DTNB: variants seen among roughly 807,000 people sequenced by gnomAD.
DTNB encodes dystrobrevin beta.
Under a neutral mutation model 90.7 loss-of-function variants are expected in DTNB, and 63 were observed. That is an observed-to-expected ratio of 0.69 (90% CI 0.57 to 0.86). The LOEUF is 0.86. DTNB is among the 40% of genes least tolerant of loss of function. The probability of loss-of-function intolerance (pLI) is 0.00; values close to 1 mark genes in which losing one functional copy is unlikely to be tolerated. For missense variants in DTNB, 744 were observed against 807.1 expected, an observed-to-expected ratio of 0.92 and a Z score of 0.95; for synonymous variants, 277 against 286.7, an observed-to-expected ratio of 0.97 and a Z score of 0.34.
At chr2:25,390,528 C>T (rs2040809876) in intron 16 of DTNB, among the ~76,000 whole-genome samples, 1 of 151,784 alleles carries the variant, frequency 6.6e-6, no homozygotes, top group Non-Finnish European at 1.5e-5. Flanking sequence ...AGTGCAACCT[C>T]CGTCCCCTGG....
At chr2:25,561,807 C>G (rs1479840729) in intron 8 of DTNB, among the ~76,000 whole-genome samples, 1 of 152,218 alleles carries the variant, frequency 6.6e-6, no homozygotes, top group Non-Finnish European at 1.5e-5. Context: ...TGGTGCCATG[C>G]TTGCACAGCC....
chr2:25,609,433 T>C (rs2067922939), intron 4 of DTNB, among the ~76,000 whole-genome samples: 1 of 151,968 alleles, frequency 6.6e-6, no homozygotes, highest in African/African-American at 2.4e-5. Flanking sequence ...ACTCCGTCTC[T>C]ACTAAAAATA....
chr2:25,416,634 C>T (rs1015924959), intron 16 of DTNB, among the ~76,000 whole-genome samples: 1 of 152,130 alleles, frequency 6.6e-6, no homozygotes, highest in African/African-American at 2.4e-5. Context: ...CCACTGTACT[C>T]CAGCCTGGGT....
intron 16 of DTNB, among the ~76,000 whole-genome samples, chr2:25,389,470 G>A (rs1027094403): frequency 1.3e-5 from 2 of 152,218 alleles, no homozygotes; most frequent in Admixed American, 6.5e-5. Context: ...TTCCTTGGGA[G>A]GCCCTGGTAT....
intron 12 of DTNB, among the ~76,000 whole-genome samples, chr2:25,438,849 C>T (rs559243951): frequency 6.3e-4 from 96 of 152,180 alleles, no homozygotes; most frequent in Non-Finnish European, 1.2e-3. Context: ...TAGTAGGTAC[C>T]TCTTGATACG....
chr2:25,465,109 T>C (rs1157924863), intron 10 of DTNB, among the ~76,000 whole-genome samples: 1 of 152,176 alleles, frequency 6.6e-6, no homozygotes, highest in Non-Finnish European at 1.5e-5. Flanking sequence ...GTGCGGTGGC[T>C]CATACCTGTA....
At chr2:25,612,223 C>A (rs969132886) in intron 4 of DTNB, among the ~76,000 whole-genome samples, 2 of 151,964 alleles carry the variant, frequency 1.3e-5, no homozygotes, top group Admixed American at 1.3e-4. Flanking sequence ...AAGACAGAAT[C>A]ATATGCAAGG....
At chr2:25,507,665 T>G (rs1443892406) in intron 9 of DTNB, among the ~76,000 whole-genome samples, 1 of 152,172 alleles carries the variant, frequency 6.6e-6, no homozygotes, top group Non-Finnish European at 1.5e-5. Flanking sequence ...CTTCCTTCCA[T>G]CCTGACTCTG....
chr2:25,408,310 C>CA (rs944874942), intron 16 of DTNB, among the ~76,000 whole-genome samples: 71 of 129,856 alleles, frequency 5.5e-4, no homozygotes, highest in South Asian at 9.9e-4. Flanking sequence ...ACTCTGTCTC[C>CA]AAAAAAAAAA....
At chr2:25,560,084 A>G (rs2058030546) in intron 8 of DTNB, among the ~76,000 whole-genome samples, 1 of 152,216 alleles carries the variant, frequency 6.6e-6, no homozygotes. Flanking sequence ...CCCCATGTCT[A>G]CTAAAAATAC....
At chr2:25,404,234 G>T (rs2044464755) in intron 16 of DTNB, among the ~76,000 whole-genome samples, 1 of 152,196 alleles carries the variant, frequency 6.6e-6, no homozygotes, top group Non-Finnish European at 1.5e-5. Context: ...CACCAAACGG[G>T]ATGTAACAGG....
intron 15 of DTNB, among the ~76,000 whole-genome samples, chr2:25,427,234 T>C (rs1027107699): frequency 2.7e-5 from 4 of 145,714 alleles, no homozygotes; most frequent in Non-Finnish European, 6.1e-5. Flanking sequence ...CTACTTTAAG[T>C]AGTTGAGAAA....
chr2:25,621,609 ATTTTTTTTTTTTTT>A (rs758895953), intron 4 of DTNB, among the ~76,000 whole-genome samples: 1 of 106,002 alleles, frequency 9.4e-6, no homozygotes, highest in Admixed American at 9.8e-5. Flanking sequence ...TGCCTGGCTA[ATTTTTTTTTTTTTT>A]TTTTTTTTTT....
At chr2:25,407,032 T>G (rs2045366075) in intron 16 of DTNB, among the ~76,000 whole-genome samples, 1 of 152,166 alleles carries the variant, frequency 6.6e-6, no homozygotes, top group Admixed American at 6.5e-5. Context: ...ATAAAAGTAC[T>G]GAAGGGTTTA....
In DTNB at chr2:25,645,751, G is replaced by GA. The variant is rs200216664; in HGVS notation, c.68-6658dup. On this transcript the variant is annotated intron_variant, in intron 2 of 20. Coordinates refer to ENST00000406818, the MANE Select transcript of DTNB (RefSeq NM_021907.5). ...CCACTGCACCTGGTCCTTAAAAAAAGATAATACTAAAAATGGTATAAATTT... is the reference window on the plus strand; with the variant it reads ...CCACTGCACCTGGTCCTTAAAAAAAGAATAATACTAAAAATGGTATAAATTT... Among the ~76,000 whole-genome samples, 531 of 152,050 alleles carry GA rather than the reference G, an allele frequency of 3.5e-3. 2 individuals carry two copies. Among genetic ancestry groups the GA allele is most frequent in the African/African-American group, 0.012 (512 of 41,460 alleles).
In DTNB at chr2:25,423,806, C is replaced by T. The variant is rs1001175257; in HGVS notation, c.1554+3729G>A. ...TCCCAAGTAGCTGGGATTACAGGCG[C>T]GCACCACCACGCTCAGGTAACTTTT... On this transcript the variant is annotated intron_variant, in intron 15 of 20. Transcript: ENST00000406818. Among the ~76,000 whole-genome samples the T allele has an allele frequency of 6.6e-5, 10 of 152,036 alleles. No individual in the cohort carries two copies. In the East Asian group the frequency reaches 1.2e-3, roughly 18 times the overall value.
intron 9 of DTNB, among the ~76,000 whole-genome samples, chr2:25,529,259 T>C (rs887437016): frequency 2.6e-5 from 4 of 152,256 alleles, no homozygotes; most frequent in East Asian, 3.9e-4. Context: ...TGGGGAAATG[T>C]TGAATTATCT....
chr2:25,398,181 G>A (rs1460325445), intron 16 of DTNB, among the ~76,000 whole-genome samples: 1 of 152,222 alleles, frequency 6.6e-6, no homozygotes, highest in Non-Finnish European at 1.5e-5. Context: ...TAAAGCTCTA[G>A]TATCTGGAAG....
chr2:25,401,434 G>A (rs1477105961), intron 16 of DTNB, among the ~76,000 whole-genome samples: 1 of 152,254 alleles, frequency 6.6e-6, no homozygotes, highest in Non-Finnish European at 1.5e-5. Context: ...CTGCATCTGA[G>A]CACAGAGGCA....
Sources: allele counts gnomAD v4.1 joint callset (sites outside exome capture counted in the v4.1 genomes callset), GRCh38; gene constraint gnomAD v4.1.1; transcripts MANE v1.5; gene names NCBI Gene and HGNC (gene_info 2026-07-23, HGNC 2026-07-21).